COL19A1: variants seen among roughly 807,000 people sequenced by gnomAD.
COL19A1 encodes collagen alpha-1(XIX) chain.
In COL19A1, 159 loss-of-function variants were observed where a neutral mutation model predicts 190.2. The observed-to-expected ratio is 0.84, with a 90% CI of 0.73 to 0.95. COL19A1 has a LOEUF of 0.95. Ranked by LOEUF, COL19A1 falls within the 40% of genes least tolerant of loss-of-function variation. The pLI is 0.00. For synonymous variants in COL19A1, 509 were observed against 458.9 expected (o/e 1.11, Z -1.39); for missense variants, 1,418 against 1,431.9 (o/e 0.99, Z 0.16).
chr6:70,142,571 TAA>T (rs1786329807), intron 22 of COL19A1, among the ~76,000 whole-genome samples, 194 bp from the exon 23 acceptor site: 2 of 152,128 alleles, frequency 1.3e-5, no homozygotes, highest in Non-Finnish European at 2.9e-5. Context: ...ACACATAAAT[TAA>T]AAGTATCTGG....
At chr6:70,140,927 A>G in intron 19 of COL19A1, 27 bp from the exon 20 acceptor site, 1 of 1,608,776 alleles carries the variant, frequency 6.2e-7, no homozygotes, top group African/African-American at 1.3e-5. Flanking sequence ...AGAGCGTTTA[A>G]TTCTATTTTC....
chr6:70,159,233 T>A (rs1163546677), intron 34 of COL19A1, among the ~76,000 whole-genome samples: 2 of 152,022 alleles, frequency 1.3e-5, no homozygotes, highest in African/African-American at 2.4e-5. Flanking sequence ...TATTTTGAGG[T>A]AAAGAAATTT....
intron 34 of COL19A1, among the ~76,000 whole-genome samples, chr6:70,160,800 T>A (rs540128083): frequency 5.7e-4 from 87 of 152,318 alleles, no homozygotes; most frequent in Non-Finnish European, 1.0e-3. Flanking sequence ...CCTGTATGTA[T>A]CATTCCCATC....
intron 44 of COL19A1, among the ~76,000 whole-genome samples, chr6:70,184,121 C>T (rs577389953): frequency 1.3e-4 from 20 of 152,304 alleles, no homozygotes; most frequent in Middle Eastern, 3.4e-3. Context: ...TCTTGCTTTT[C>T]TTTCATATTT....
At chr6:70,167,471 T>C (rs1765233030) in intron 37 of COL19A1, among the ~76,000 whole-genome samples, 1 of 152,198 alleles carries the variant, frequency 6.6e-6, no homozygotes, top group Admixed American at 6.5e-5. Context: ...CAAGATGTTC[T>C]TATTCTCTTT....
At chr6:69,949,412 C>T (rs1487738619) in intron 9 of COL19A1, among the ~76,000 whole-genome samples, 2 of 151,794 alleles carry the variant, frequency 1.3e-5, no homozygotes, top group Non-Finnish European at 2.9e-5. Context: ...TTTCTCGCTT[C>T]TATAATCCAC....
chr6:69,929,807 TC>T, intron 6 of COL19A1, 107 bp downstream of exon 6: 1 of 1,031,296 alleles, frequency 9.7e-7, no homozygotes. Flanking sequence ...TCCCTTCTCA[TC>T]AATTTTATTA....
chr6:70,020,515 G>A (rs1778358204), intron 11 of COL19A1, among the ~76,000 whole-genome samples: 1 of 151,938 alleles, frequency 6.6e-6, no homozygotes, highest in African/African-American at 2.4e-5. Context: ...TTGCACATTT[G>A]TTCCTAATAA....
intron 16 of COL19A1, among the ~76,000 whole-genome samples, chr6:70,105,592 AACATT>A (rs539486500): frequency 1.3e-5 from 2 of 152,186 alleles, no homozygotes; most frequent in Non-Finnish European, 2.9e-5. Flanking sequence ...TTTAGATCAA[AACATT>A]ATTGTTTTTC....
chr6:70,199,449 G>C (rs1244211175), intron 48 of COL19A1, among the ~76,000 whole-genome samples, 159 bp from the exon 49 acceptor site: 1 of 152,200 alleles, frequency 6.6e-6, no homozygotes, highest in Non-Finnish European at 1.5e-5. Flanking sequence ...GATATTATTT[G>C]TCTAATCAAA....
Position 70,023,685 on chromosome 6 carries a change from G to A in COL19A1, c.1080+5G>A, listed in dbSNP as rs368225085. The A allele has an allele frequency of 3.4e-5, 55 of 1,607,724 alleles. 1 individual carries two copies. In the African/African-American group the frequency reaches 7.3e-4, roughly 21 times the overall value. ...GCTGGCCTTAATGGAGAAAATGTAA[G>A]CCTAACTCTTTTTTCTGATACTCTG... On this transcript the variant is annotated splice_donor_5th_base_variant and intron_variant, in intron 12 of 50. Transcript: ENST00000620364.
intron 34 of COL19A1, among the ~76,000 whole-genome samples, chr6:70,159,411 C>CACACAT (rs1419630312): frequency 6.6e-6 from 1 of 151,044 alleles, no homozygotes; most frequent in African/African-American, 2.4e-5. Flanking sequence ...CCCATGTATA[C>CACACAT]ACACATACAC....
At chr6:69,937,058 G>C (rs1230382919) in intron 8 of COL19A1, 148 bp downstream of exon 8, 1 of 1,133,040 alleles carries the variant, frequency 8.8e-7, no homozygotes, top group East Asian at 2.5e-5. Context: ...TTAAGAAAAA[G>C]GCATTGAAGA....
intron 15 of COL19A1, among the ~76,000 whole-genome samples, chr6:70,087,382 C>T (rs956807530): frequency 6.6e-6 from 1 of 151,980 alleles, no homozygotes; most frequent in Non-Finnish European, 1.5e-5. Flanking sequence ...TAGATGAGGG[C>T]CATGTGAAAA....
In COL19A1 at chr6:69,959,983, G is replaced by T. The variant is rs758091055; in HGVS notation, c.937-13G>T. The T allele has an allele frequency of 4.3e-6, 7 of 1,612,238 alleles. No homozygotes were observed. The Admixed American group carries it at 1.0e-4, about 23-fold the overall frequency. On this transcript the variant is annotated splice_polypyrimidine_tract_variant and intron_variant, in intron 9 of 50. Coordinates refer to ENST00000620364, the MANE Select transcript of COL19A1 (RefSeq NM_001858.6). The stretch of plus-strand genomic sequence containing the variant: ...TTATGGATCATAAACATTATTCTGT[G>T]TACTTCTTTTAGGGTGAAAATGGTT...
At chr6:70,038,434 A>T (rs1302142253) in intron 14 of COL19A1, among the ~76,000 whole-genome samples, 2 of 152,220 alleles carry the variant, frequency 1.3e-5, no homozygotes, top group African/African-American at 4.8e-5. Context: ...TACTCAAAAA[A>T]ATTATATCAG....
intron 4 of COL19A1, among the ~76,000 whole-genome samples, chr6:69,908,288 A>T (rs7454152): frequency 6.6e-6 from 1 of 152,308 alleles, no homozygotes; most frequent in African/African-American, 2.4e-5. Context: ...AGCTCTAGAG[A>T]ATGCCTATTT....
intron 34 of COL19A1, among the ~76,000 whole-genome samples, chr6:70,161,693 C>T (rs1334068982): frequency 1.3e-5 from 2 of 151,804 alleles, no homozygotes; most frequent in East Asian, 1.9e-4. Flanking sequence ...TCCACATAAC[C>T]GAAAATCACT....
Position 69,921,379 on chromosome 6 carries a change from TATATATCATATATATC to T in COL19A1, c.267-6491_267-6476del, listed in dbSNP as rs1442636593. On this transcript the variant is annotated intron_variant, in intron 4 of 50. Transcript: ENST00000620364. ...ATAATCATATATATCATATATATCA[TATATATCATATATATC>T]ATATATCATATATATCATATATCAT... 7.9e-4 allele frequency among the ~76,000 whole-genome samples: 88 copies of T among 111,378 alleles called. 2 individuals carry two copies. Among genetic ancestry groups the T allele is most frequent in the East Asian group, 5.8e-3 (25 of 4,326 alleles). 73.1% of individuals were successfully genotyped at this position (111,378 alleles called of 152,430 possible).
Sources: gnomAD v4.1 joint callset for allele counts (sites outside exome capture counted in the v4.1 genomes callset) on GRCh38, gnomAD v4.1.1 for gene constraint, MANE v1.5 for transcripts, NCBI Gene and HGNC (gene_info 2026-07-23, HGNC 2026-07-21) for gene names.